The following PRKG1 variants were observed in gnomAD, a reference collection of about 807,000 sequenced individuals.
The protein encoded by PRKG1 is cGMP-dependent protein kinase 1.
A neutral mutation model predicts 88.1 loss-of-function variants in PRKG1; 35 were observed. That is an observed-to-expected ratio of 0.40 (90% CI 0.30 to 0.53). PRKG1 has a LOEUF of 0.53. PRKG1 is among the 20% of genes least tolerant of loss of function. The probability of loss-of-function intolerance (pLI) is 0.59; values close to 1 mark genes in which losing one functional copy is unlikely to be tolerated. For missense variants in PRKG1, 540 were observed against 839.8 expected, an observed-to-expected ratio of 0.64 and a Z score of 4.41; for synonymous variants, 303 against 292.5, an observed-to-expected ratio of 1.04 and a Z score of -0.37.
intron 5 of PRKG1, among the ~76,000 whole-genome samples, chr10:51,961,577 G>T (rs1043017370): frequency 1.4e-4 from 21 of 152,256 alleles, no homozygotes; most frequent in South Asian, 4.1e-4. Flanking sequence ...AGATGGATGT[G>T]GTAAAGTACA....
At chr10:52,095,339 T>A (rs1847148361) in intron 7 of PRKG1, among the ~76,000 whole-genome samples, 1 of 152,222 alleles carries the variant, frequency 6.6e-6, no homozygotes, top group Non-Finnish European at 1.5e-5. Context: ...TTCTGCTCCC[T>A]TCTCCCACAT....
intron 9 of PRKG1, among the ~76,000 whole-genome samples, chr10:52,179,809 C>T (rs1175143408): frequency 1.3e-5 from 2 of 152,186 alleles, no homozygotes; most frequent in African/African-American, 4.8e-5. Context: ...CTGCCTCAGC[C>T]TCCCAAGTAG....
intron 3 of PRKG1, among the ~76,000 whole-genome samples, chr10:51,582,664 A>G (rs1838070616): frequency 6.7e-6 from 1 of 149,108 alleles, no homozygotes; most frequent in Admixed American, 6.6e-5. Flanking sequence ...ATAATACTCC[A>G]TGATGTATAT....
At chr10:51,746,835 C>T (rs775531606) in intron 3 of PRKG1, among the ~76,000 whole-genome samples, 8 of 152,110 alleles carry the variant, frequency 5.3e-5, no homozygotes, top group Admixed American at 2.0e-4. Context: ...GGCAGTCATT[C>T]CTCTTCCTCT....
At chr10:51,915,776 A>G (rs1476532798) in intron 5 of PRKG1, among the ~76,000 whole-genome samples, 1 of 152,196 alleles carries the variant, frequency 6.6e-6, no homozygotes, top group Non-Finnish European at 1.5e-5. Flanking sequence ...TGAATAATTA[A>G]TAAGATGAGA....
intron 7 of PRKG1, among the ~76,000 whole-genome samples, chr10:52,112,119 A>AATCTT (rs879686794): frequency 2.0e-5 from 3 of 152,168 alleles, no homozygotes; most frequent in Non-Finnish European, 1.5e-5. Context: ...TATTTAGAAT[A>AATCTT]ATCTTCCTTC....
At chr10:52,289,775 T>C (rs1842199678) in intron 16 of PRKG1, among the ~76,000 whole-genome samples, 1 of 152,150 alleles carries the variant, frequency 6.6e-6, no homozygotes, top group African/African-American at 2.4e-5. Flanking sequence ...GTAGAGACTA[T>C]GACAATGATG....
intron 2 of PRKG1, among the ~76,000 whole-genome samples, chr10:51,268,061 G>A (rs1223612560): frequency 6.6e-6 from 1 of 152,138 alleles, no homozygotes; most frequent in Non-Finnish European, 1.5e-5. Flanking sequence ...TGGGTGTCCA[G>A]GGGAGACATC....
At chr10:51,315,112 T>G (rs1202541939) in intron 2 of PRKG1, among the ~76,000 whole-genome samples, 1 of 152,212 alleles carries the variant, frequency 6.6e-6, no homozygotes, top group African/African-American at 2.4e-5. Flanking sequence ...GCTCTTAACA[T>G]TCTGACAAGT....
chr10:51,205,775 C>T (rs1046025522), intron 2 of PRKG1, among the ~76,000 whole-genome samples: 16 of 152,102 alleles, frequency 1.1e-4, no homozygotes, highest in Admixed American at 3.9e-4. Context: ...CTCAGGTGAT[C>T]CACCTGCCTC....
chr10:52,061,154 G>A (rs1846226652), intron 6 of PRKG1, among the ~76,000 whole-genome samples: 1 of 151,912 alleles, frequency 6.6e-6, no homozygotes, highest in Non-Finnish European at 1.5e-5. Flanking sequence ...GAGACACAGA[G>A]ACACAGCTTA....
intron 9 of PRKG1, among the ~76,000 whole-genome samples, chr10:52,239,365 C>CT (rs5784913): frequency 0.51 from 74,257 of 144,506 alleles, 20,875 homozygotes; most frequent in East Asian, 0.8. Context: ...AAAGAGATTC[C>CT]TTTTTTTGAG....
chr10:51,820,081 A>G (rs1839703234), intron 4 of PRKG1, among the ~76,000 whole-genome samples: 5 of 152,182 alleles, frequency 3.3e-5, no homozygotes. Flanking sequence ...CCGAAAAGAC[A>G]AATCATTGCA....
In PRKG1 at chr10:51,914,221, T is replaced by TA. The variant is rs11297162; in HGVS notation, c.762+6663dup. On this transcript the variant is annotated intron_variant, in intron 5 of 17. Coordinates refer to ENST00000373980, the MANE Select transcript of PRKG1 (RefSeq NM_006258.4). Reference sequence around the variant, plus strand: ...CAATGGAGAAATGTCAGTGAGAAAATAAAAAAAAAAAAGTATTTATCTAAA... The same window carrying TA: ...CAATGGAGAAATGTCAGTGAGAAAATAAAAAAAAAAAAAGTATTTATCTAAA... Among the ~76,000 whole-genome samples the TA allele has an allele frequency of 1.8e-3, 261 of 142,588 alleles. 3 individuals carry two copies. The highest frequency in any genetic ancestry group is 0.014 in the South Asian group (62 of 4,396). The allele number at this position is 142,588 out of a possible 152,430, so 93.5% of individuals were successfully genotyped here. A position where few individuals can be genotyped will look rare whatever the true frequency, so the allele number is the denominator to read the frequency against.
chr10:51,191,873 C>T (rs1837640057), intron 2 of PRKG1, among the ~76,000 whole-genome samples: 1 of 151,718 alleles, frequency 6.6e-6, no homozygotes, highest in Non-Finnish European at 1.5e-5. Flanking sequence ...TTCCAGCCTT[C>T]CTACTAGAAT....
chr10:51,274,105 C>T (rs1288977068), intron 2 of PRKG1, among the ~76,000 whole-genome samples: 2 of 152,122 alleles, frequency 1.3e-5, no homozygotes, highest in Non-Finnish European at 2.9e-5. Context: ...ATTAAATGCT[C>T]AGTGAATATT....
intron 1 of PRKG1, among the ~76,000 whole-genome samples, chr10:51,023,501 T>G (rs530152966): frequency 1.6e-4 from 24 of 152,310 alleles, no homozygotes; most frequent in African/African-American, 5.1e-4. Flanking sequence ...GAAACAGAGA[T>G]GAAACCCAGA....
intron 4 of PRKG1, among the ~76,000 whole-genome samples, chr10:51,901,912 T>C (rs1201770854): frequency 6.6e-6 from 1 of 152,112 alleles, no homozygotes; most frequent in Non-Finnish European, 1.5e-5. Context: ...TGATGTGACA[T>C]TTAAAAAATA....
intron 3 of PRKG1, among the ~76,000 whole-genome samples, chr10:51,575,256 AC>A (rs1837855948): frequency 6.6e-6 from 1 of 151,620 alleles, no homozygotes; most frequent in African/African-American, 2.4e-5. Flanking sequence ...ATTTTTCTTT[AC>A]TCTCTTTCAA....
Sources: allele counts gnomAD v4.1 joint callset (sites outside exome capture counted in the v4.1 genomes callset), GRCh38; gene constraint gnomAD v4.1.1; transcripts MANE v1.5; gene names NCBI Gene and HGNC (gene_info 2026-07-23, HGNC 2026-07-21).